The following ZNF655 variants were observed in gnomAD, a reference collection of about 807,000 sequenced individuals.
The protein encoded by ZNF655 is Vav-interacting Kruppel-like protein 1.
Under a neutral mutation model 6.6 loss-of-function variants are expected in ZNF655, and 3 were observed. That is an observed-to-expected ratio of 0.46 (90% CI 0.21 to 1.18). The LOEUF (loss-of-function observed/expected upper bound fraction) is 1.18. Among genes scored for constraint, ZNF655 ranks in the 50% most tolerant of loss-of-function variants. The probability of loss-of-function intolerance (pLI) is 0.24; values close to 1 mark genes in which losing one functional copy is unlikely to be tolerated. For missense variants in ZNF655, 526 were observed against 572.3 expected (o/e 0.92, Z 0.83); for synonymous variants, 178 against 195.0 (o/e 0.91, Z 0.73).
intron 2 of ZNF655, chr7:99,571,346 G>T: frequency 7.8e-7 from 1 of 1,278,328 alleles, no homozygotes; most frequent in South Asian, 1.3e-5. Flanking sequence ...TTTGATACTT[G>T]TAGACCAGAT....
At chr7:99,566,390 A>T (rs754166129) in intron 2 of ZNF655, among the ~76,000 whole-genome samples, 4 of 152,234 alleles carry the variant, frequency 2.6e-5, no homozygotes, top group Non-Finnish European at 5.9e-5. Context: ...GCATTCAAAA[A>T]GTAAAACTCT....
At chr7:99,564,390 C>T in intron 2 of ZNF655, 1 of 1,045,590 alleles carries the variant, frequency 9.6e-7, no homozygotes. Context: ...TCCTGTGAAC[C>T]CTGGGCTTCC....
At chr7:99,568,433 G>A (rs151315831) in intron 2 of ZNF655, among the ~76,000 whole-genome samples, 11,408 of 151,746 alleles carry the variant, frequency 0.075, 565 homozygotes, top group Middle Eastern at 0.13. Context: ...GGTATTTTTA[G>A]TAGAGACAGG....
chr7:99,563,772 G>T (rs770418454), intron 2 of ZNF655: 363 of 1,477,116 alleles, frequency 2.5e-4, no homozygotes, highest in Non-Finnish European at 3.2e-4. Flanking sequence ...TTATGCTCAG[G>T]ATTCAAGGTC....
chr7:99,574,435 G>A lies in ZNF655; in HGVS notation c.*851G>A, dbSNP rs1804284809. 6.6e-6 allele frequency: 1 copy of A among 152,014 alleles called. No individual in the cohort carries two copies. Among genetic ancestry groups the A allele is most frequent in the Admixed American group, 6.6e-5 (1 of 15,252 alleles). 9.4% of individuals were successfully genotyped at this position (152,014 alleles called of 1,614,324 possible). On this transcript the variant is annotated 3_prime_UTR_variant, in exon 3 of 3. Transcript: ENST00000252713. ...TGATATTAAAAAGAACAGAGATGGG[G>A]TCTTGCTTTGTTGCCCAGGCTGGTC...
At chr7:99,571,242 C>T (rs1804046780) in intron 2 of ZNF655, 2 of 1,288,822 alleles carry the variant, frequency 1.6e-6, no homozygotes, top group South Asian at 1.2e-5. Context: ...TCAGTTTTCA[C>T]TGATTCTCTT....
intron 1 of ZNF655, among the ~76,000 whole-genome samples, chr7:99,559,413 C>T (rs1421288267): frequency 6.6e-6 from 1 of 151,144 alleles, no homozygotes; most frequent in Non-Finnish European, 1.5e-5. Context: ...TTTACGTAAA[C>T]GCGGGCCTGT....
At chr7:99,567,030 G>A (rs565160927) in intron 2 of ZNF655, among the ~76,000 whole-genome samples, 3 of 151,948 alleles carry the variant, frequency 2.0e-5, no homozygotes, top group Non-Finnish European at 4.4e-5. Flanking sequence ...AGCCATTCTT[G>A]TGCCTCAGCC....
chr7:99,571,653 A>C (rs1348581057), intron 2 of ZNF655: 2 of 1,485,576 alleles, frequency 1.3e-6, no homozygotes, highest in African/African-American at 2.8e-5. Context: ...ACCTGGGGAT[A>C]CATTGCCACA....
At chr7:99,559,660 C>T (rs1476814049) in intron 1 of ZNF655, among the ~76,000 whole-genome samples, 2 of 152,146 alleles carry the variant, frequency 1.3e-5, no homozygotes, top group African/African-American at 4.8e-5. Context: ...TGGGCTGTCA[C>T]GCTGTCATAC....
rs1554399776 is a variant in ZNF655, at chr7:99,573,498, T to C, written c.1390T>C (p.Phe464Leu). 6.2e-7 allele frequency: 1 copy of C among 1,612,820 alleles called. No individual in the cohort carries two copies. Among genetic ancestry groups the C allele is most frequent in the South Asian group, 1.1e-5 (1 of 91,078 alleles). The stretch of plus-strand genomic sequence containing the variant: ...AGAAGTCCTCACCAGACAGAAAGCC[T>C]TTGATTGTGATGTATGGGAAAAGAA... Reference protein sequence around the residue: ...QQEVLTRQKAFDCDVWEKNSS... With the variant: ...QQEVLTRQKALDCDVWEKNSS... Residue 464 changes from phenylalanine to leucine, a missense_variant, in exon 3 of 3, where the codon TTT becomes CTT. Transcript: ENST00000252713.
chr7:99,563,480 G>A lies in ZNF655; in HGVS notation c.136+2785G>A, dbSNP rs185920239. ...ATTACAGGCATGGGCCACCACGCCC[G>A]CCTAATTTTGTATTTTTAGTAGAGA... is the stretch of plus-strand genomic sequence containing the variant. On this transcript the variant is annotated intron_variant, in intron 2 of 2. Coordinates refer to ENST00000252713, the MANE Select transcript of ZNF655 (RefSeq NM_138494.3). Among the ~76,000 whole-genome samples the A allele has an allele frequency of 1.2e-4, 18 of 151,902 alleles. No individual in the cohort carries two copies. The East Asian group carries it at 2.1e-3, about 18-fold the overall frequency.
chr7:99,564,077 A>G (rs1803443262), intron 2 of ZNF655: 1 of 1,586,116 alleles, frequency 6.3e-7, no homozygotes, highest in South Asian at 1.1e-5. Flanking sequence ...AAATTGACTG[A>G]TGGAATAGAA....
intron 2 of ZNF655, among the ~76,000 whole-genome samples, chr7:99,568,705 G>T (rs1279514127): frequency 1.3e-5 from 2 of 152,066 alleles, no homozygotes; most frequent in African/African-American, 4.8e-5. Flanking sequence ...AGATCCTCCT[G>T]CCTTGACCTC....
intron 2 of ZNF655, chr7:99,562,606 A>G (rs1356260310): frequency 1.9e-6 from 2 of 1,061,480 alleles, no homozygotes; most frequent in Non-Finnish European, 2.6e-6. Context: ...AGATTCCAGG[A>G]CTTAGAACCT....
intron 2 of ZNF655, among the ~76,000 whole-genome samples, chr7:99,566,239 C>T (rs2151159024): frequency 6.6e-6 from 1 of 152,198 alleles, no homozygotes; most frequent in Non-Finnish European, 1.5e-5. Flanking sequence ...ACTTTGTGCC[C>T]TTAGGACAAT....
intron 2 of ZNF655, among the ~76,000 whole-genome samples, chr7:99,561,357 T>G (rs942297079): frequency 6.6e-6 from 1 of 152,218 alleles, no homozygotes; most frequent in Non-Finnish European, 1.5e-5. Flanking sequence ...CCCACACAGA[T>G]CAAGTGCCAC....
Position 99,572,394 on chromosome 7 carries a change from T to C in ZNF655, c.286T>C (p.Leu96=). Residue 96 remains leucine, a synonymous_variant, in exon 3 of 3, where the codon TTA becomes CTA. Transcript: ENST00000252713. ...AGAAGTGTATAAGTCTGAGGACAGA[T>C]TAGAAAGACTTCAGGAAATTCTAAG... ...TREVYKSEDR[L]ERLQEILRKF... 1.2e-6 allele frequency: 2 copies of C among 1,613,786 alleles called. No homozygotes were observed. The highest frequency in any genetic ancestry group is 1.7e-6 in the Non-Finnish European group (2 of 1,179,890).
chr7:99,562,080 C>T, intron 2 of ZNF655: 1 of 1,020,316 alleles, frequency 9.8e-7, no homozygotes, highest in Non-Finnish European at 1.4e-6. Flanking sequence ...TTTTCAATAG[C>T]AGACTCCAGT....
Sources: gnomAD v4.1 joint callset for allele counts (sites outside exome capture counted in the v4.1 genomes callset) on GRCh38, gnomAD v4.1.1 for gene constraint, MANE v1.5 for transcripts, NCBI Gene and HGNC (gene_info 2026-07-23, HGNC 2026-07-21) for gene names.